ZNF519: variants seen among roughly 807,000 people sequenced by gnomAD.
ZNF519 encodes the protein similar to Zinc finger protein 85 (Zinc finger protein HPF4) (HTF1).
Under a neutral mutation model 7.4 loss-of-function variants are expected in ZNF519, and 7 were observed. The observed-to-expected ratio is 0.94, with a 90% CI of 0.54 to 1.77. The LOEUF (loss-of-function observed/expected upper bound fraction) is 1.77. Among genes scored for constraint, ZNF519 ranks in the 40% most tolerant of loss-of-function variants. The probability of loss-of-function intolerance (pLI) is 0.00; values close to 1 mark genes in which losing one functional copy is unlikely to be tolerated. For missense variants in ZNF519, 586 were observed against 623.1 expected (o/e 0.94, Z 0.63); for synonymous variants, 179 against 203.3 (o/e 0.88, Z 1.02).
intron 1 of ZNF519, among the ~76,000 whole-genome samples, chr18:14,125,829 T>G (rs1030983519): frequency 1.8e-4 from 28 of 152,026 alleles, no homozygotes; most frequent in Admixed American, 1.4e-3. Context: ...GGATTACGGG[T>G]GCCCACCACC....
downstream of ZNF519, among the ~76,000 whole-genome samples, chr18:14,098,995 GAC>G (rs1278208846): frequency 1.3e-5 from 2 of 152,108 alleles, no homozygotes; most frequent in African/African-American, 2.4e-5. Context: ...ATGTTTTTGT[GAC>G]ACAGAATCTG....
intron 2 of ZNF519, among the ~76,000 whole-genome samples, chr18:14,118,955 C>T (rs1340761799): frequency 6.6e-6 from 1 of 152,150 alleles, no homozygotes; most frequent in East Asian, 1.9e-4. Flanking sequence ...CCCATTCATA[C>T]ACCTGGTATA....
At chr18:14,107,982 G>A (rs1007264636) in intron 2 of ZNF519, among the ~76,000 whole-genome samples, 2 of 152,178 alleles carry the variant, frequency 1.3e-5, no homozygotes, top group African/African-American at 2.4e-5. Flanking sequence ...CGATGGGCTT[G>A]CCGAGAGCCT....
intron 2 of ZNF519, among the ~76,000 whole-genome samples, chr18:14,086,733 C>T (rs987693016): frequency 6.6e-6 from 1 of 152,118 alleles, no homozygotes; most frequent in African/African-American, 2.4e-5. Flanking sequence ...CAGGCCAGAA[C>T]GACAAAGCAA....
intron 3 of ZNF519, among the ~76,000 whole-genome samples, chr18:14,083,518 A>G (rs1458373368): frequency 6.6e-6 from 1 of 152,174 alleles, no homozygotes; most frequent in Non-Finnish European, 1.5e-5. Context: ...TTGAAAAGCA[A>G]TTATGAAATG....
chr18:14,095,007 G>C (rs997569766), downstream of ZNF519, among the ~76,000 whole-genome samples: 3 of 152,146 alleles, frequency 2.0e-5, no homozygotes, highest in Non-Finnish European at 2.9e-5. Context: ...ATGTCCGTAA[G>C]ATTATACAAC....
chr18:14,129,559 A>G (rs968002968), intron 1 of ZNF519, among the ~76,000 whole-genome samples: 1 of 152,140 alleles, frequency 6.6e-6, no homozygotes, highest in African/African-American at 2.4e-5. Context: ...CACTTCCCTC[A>G]GACACCTGGA....
chr18:14,086,726 G>T (rs1222671783), intron 2 of ZNF519, among the ~76,000 whole-genome samples: 1 of 152,150 alleles, frequency 6.6e-6, no homozygotes, highest in African/African-American at 2.4e-5. Context: ...GTCCTTCCAG[G>T]CCAGAACGAC....
intron 2 of ZNF519, among the ~76,000 whole-genome samples, chr18:14,112,796 A>T (rs2046228193): frequency 6.6e-6 from 1 of 152,192 alleles, no homozygotes; most frequent in Non-Finnish European, 1.5e-5. Context: ...AAGAAAATAT[A>T]TTTTTTGTTC....
At chr18:14,089,103 G>T (rs1490987245) in intron 2 of ZNF519, among the ~76,000 whole-genome samples, 1 of 152,054 alleles carries the variant, frequency 6.6e-6, no homozygotes, top group Non-Finnish European at 1.5e-5. Flanking sequence ...TATTCCATCT[G>T]TGATGAATAT....
chr18:14,109,971 G>C (rs544919111), intron 2 of ZNF519, among the ~76,000 whole-genome samples: 1 of 152,148 alleles, frequency 6.6e-6, no homozygotes, highest in African/African-American at 2.4e-5. Context: ...AAACAGCATG[G>C]TATTGCTATT....
chr18:14,132,284 G>T lies in ZNF519; in HGVS notation c.-7C>A, dbSNP rs1382104030. The T allele has an allele frequency of 6.2e-7, 1 of 1,613,870 alleles. No homozygotes were observed. The highest frequency in any genetic ancestry group is 8.5e-7 in the Non-Finnish European group (1 of 1,179,854). The stretch of plus-strand genomic sequence containing the variant: ...TGCCCCCCACACTCACCATTTCTCG[G>T]CTTCAGGGGTGTCCTGGAGTCTTAG... On this transcript the variant is annotated 5_prime_UTR_variant, in exon 1 of 3. Coordinates refer to ENST00000590202, the MANE Select transcript of ZNF519 (RefSeq NM_145287.4).
In ZNF519 at chr18:14,078,962, A is replaced by G. The variant is rs767726088; in HGVS notation, c.*178-664T>C. ...TCAAGATGTACAAAACCCAAAGCCA[A>G]TTAAGAGGCAGAGCCAAACAGCAGA... On this transcript the variant is annotated intron_variant and NMD_transcript_variant, in intron 3 of 4. Transcript: ENST00000587419. 6.0e-4 allele frequency among the ~76,000 whole-genome samples: 92 copies of G among 152,328 alleles called. 1 individual carries two copies. The highest frequency in any genetic ancestry group is 1.8e-4 in the Non-Finnish European group (12 of 68,024).
At chr18:14,116,854 T>C (rs2046248351) in intron 2 of ZNF519, among the ~76,000 whole-genome samples, 1 of 152,014 alleles carries the variant, frequency 6.6e-6, no homozygotes, top group African/African-American at 2.4e-5. Context: ...TAAAAATATT[T>C]TTAAAAATTA....
chr18:14,102,314 C>G lies in ZNF519; in HGVS notation c.*2603G>C, dbSNP rs569343684. 1 of 152,184 alleles carries G rather than the reference C, an allele frequency of 6.6e-6. No individual in the cohort carries two copies. Among genetic ancestry groups the G allele is most frequent in the African/African-American group, 2.4e-5 (1 of 41,482 alleles). 9.4% of individuals were successfully genotyped at this position (152,184 alleles called of 1,614,324 possible). A position where few individuals can be genotyped will look rare whatever the true frequency, so the allele number is the denominator to read the frequency against. Reference sequence around the variant, plus strand: ...TCCCAAGTAGCTGGGATTACAGGAGCCCACCACCACACCCAGCTAATTTTT... The same window carrying G: ...TCCCAAGTAGCTGGGATTACAGGAGGCCACCACCACACCCAGCTAATTTTT... On this transcript the variant is annotated 3_prime_UTR_variant, in exon 3 of 3. Transcript: ENST00000590202.
At chr18:14,093,235 C>A (rs2143101686) in intron 2 of ZNF519, among the ~76,000 whole-genome samples, 1 of 152,302 alleles carries the variant, frequency 6.6e-6, no homozygotes, top group East Asian at 1.9e-4. Context: ...TTACACTGAC[C>A]AACCCTTTGA....
chr18:14,109,924 C>T (rs1488420738), intron 2 of ZNF519, among the ~76,000 whole-genome samples: 12 of 152,092 alleles, frequency 7.9e-5, no homozygotes, highest in Non-Finnish European at 1.8e-4. Flanking sequence ...CATCACATTA[C>T]CCTACTTCAA....
At chr18:14,077,108 T>TG (rs1488491142) in exon 5 of ZNF519, 1 of 152,124 alleles carries the variant, frequency 6.6e-6, no homozygotes, top group Non-Finnish European at 1.5e-5. Flanking sequence ...ACTAGAGAAC[T>TG]GGGAAAAAAC....
chr18:14,104,169 T>G lies in ZNF519; in HGVS notation c.*748A>C, dbSNP rs534572456. The G allele has an allele frequency of 6.6e-6, 1 of 152,198 alleles. No homozygotes were observed. Among genetic ancestry groups the G allele is most frequent in the East Asian group, 1.9e-4 (1 of 5,196 alleles). The allele number at this position is 152,198 out of a possible 1,614,324, so 9.4% of individuals were successfully genotyped here. A position where few individuals can be genotyped will look rare whatever the true frequency, so the allele number is the denominator to read the frequency against. The stretch of plus-strand genomic sequence containing the variant: ...CACAGTAACATTCAGGACTTCTAAC[T>G]TGCTGCTATGAAGATACATTAGAAT... On this transcript the variant is annotated 3_prime_UTR_variant, in exon 3 of 3. Transcript: ENST00000590202.
Sources: allele counts gnomAD v4.1 joint callset (sites outside exome capture counted in the v4.1 genomes callset), GRCh38; gene constraint gnomAD v4.1.1; transcripts MANE v1.5; gene names NCBI Gene and HGNC (gene_info 2026-07-23, HGNC 2026-07-21).